The following SPAG9 variants were observed in gnomAD, a reference collection of about 807,000 sequenced individuals.
SPAG9 encodes the protein sperm associated antigen 9.
SPAG9 carries 35 observed loss-of-function variants against 166.5 expected under a neutral mutation model. The ratio of observed to expected loss-of-function variants is 0.21; its 90% CI spans 0.16 to 0.28. The LOEUF (loss-of-function observed/expected upper bound fraction) is 0.28. SPAG9 is among the 10% of genes least tolerant of loss of function. The pLI is 1.00. For synonymous variants in SPAG9, 534 were observed against 565.5 expected, an observed-to-expected ratio of 0.94 and a Z score of 0.79; for missense variants, 1,235 against 1,603.3, an observed-to-expected ratio of 0.77 and a Z score of 3.92.
chr17:50,967,607 T>A (rs2143542646), intron 29 of SPAG9, among the ~76,000 whole-genome samples: 1 of 152,314 alleles, frequency 6.6e-6, no homozygotes, highest in South Asian at 2.1e-4. Context: ...ATGAAAAAAA[T>A]TAACTGGCTG....
At chr17:50,967,599 GA>G (rs1381945202) in intron 29 of SPAG9, among the ~76,000 whole-genome samples, 3 of 152,126 alleles carry the variant, frequency 2.0e-5, no homozygotes, top group East Asian at 1.9e-4. Context: ...AAATTTCAAT[GA>G]AAAAAATTAA....
chr17:51,117,391 G>A (rs947198322), intron 1 of SPAG9, among the ~76,000 whole-genome samples: 1 of 151,988 alleles, frequency 6.6e-6, no homozygotes, highest in African/African-American at 2.4e-5. Flanking sequence ...ACTTACTTTG[G>A]TATAAAAGAC....
intron 5 of SPAG9, among the ~76,000 whole-genome samples, chr17:51,038,776 CTAAT>C (rs1287374913): frequency 2.0e-5 from 3 of 152,204 alleles, no homozygotes; most frequent in Admixed American, 2.0e-4. Context: ...CCCATCCTTA[CTAAT>C]TACTCTTTAG....
chr17:51,036,040 G>A (rs982967193), intron 5 of SPAG9, among the ~76,000 whole-genome samples: 1 of 152,070 alleles, frequency 6.6e-6, no homozygotes, highest in African/African-American at 2.4e-5. Context: ...AATTGCAGCT[G>A]GGATATGTGA....
chr17:51,053,845 A>T (rs1598092650), intron 3 of SPAG9, among the ~76,000 whole-genome samples: 4 of 86,310 alleles, frequency 4.6e-5, no homozygotes, highest in African/African-American at 1.7e-4. Flanking sequence ...TTAAAAAAAA[A>T]AAAAAAAAAG....
chr17:51,006,109 C>T lies in SPAG9; in HGVS notation c.1400G>A (p.Arg467Lys), dbSNP rs142334573. 196 of 1,614,186 alleles carry T rather than the reference C, an allele frequency of 1.2e-4. No homozygotes were observed. The African/African-American group carries it at 2.2e-3, about 18-fold the overall frequency. The change falls in exon 11 of 30, where the codon AGA becomes AAA. Residue 467 changes from arginine to lysine, a missense_variant. This residue lies in a region of SPAG9 where 125 missense variants were observed against 194.0 expected (regional missense o/e 0.64). Transcript: ENST00000262013. ...QAKLKLEEKN[R>K]ELEEELRKAR... ...CTTCCTAAGCTCTTCCTCCAATTCT[C>T]TGTTCTTTTCCTCTAGTTTCAGTTT...
intron 13 of SPAG9, 50 bp from the exon 14 acceptor site, chr17:50,999,767 C>T (rs765023667): frequency 1.3e-6 from 2 of 1,516,072 alleles, no homozygotes; most frequent in South Asian, 2.3e-5. Context: ...AGGTATTCTA[C>T]CTTTCTTTCT....
At chr17:50,992,862 C>T (rs1028728502) in intron 19 of SPAG9, among the ~76,000 whole-genome samples, 5 of 151,726 alleles carry the variant, frequency 3.3e-5, no homozygotes, top group African/African-American at 9.7e-5. Flanking sequence ...TTTGGGAGAC[C>T]GAGGCGGGCA....
intron 1 of SPAG9, among the ~76,000 whole-genome samples, chr17:51,109,152 A>T (rs1343110621): frequency 6.6e-6 from 1 of 151,776 alleles, no homozygotes; most frequent in African/African-American, 2.4e-5. Context: ...ATGAGCCACC[A>T]CGCCTGGCCA....
intron 5 of SPAG9, among the ~76,000 whole-genome samples, chr17:51,034,007 G>T (rs1396007692): frequency 6.6e-6 from 1 of 152,076 alleles, no homozygotes; most frequent in Admixed American, 6.5e-5. Context: ...AGGCATCTTG[G>T]TCAACATACA....
At position 51,053,887 on chromosome 17, in the gene SPAG9, ATATATATATAT is replaced by A. The variant is rs2047276265; in HGVS notation, c.495+2514_495+2524del. Among the ~76,000 whole-genome samples the A allele has an allele frequency of 4.1e-4, 48 of 117,370 alleles. 1 individual carries two copies. The highest frequency in any genetic ancestry group is 6.2e-4 in the Non-Finnish European group (36 of 57,956). The allele number at this position is 117,370 out of a possible 152,430, so 77.0% of individuals were successfully genotyped here. On this transcript the variant is annotated intron_variant, in intron 3 of 29. Transcript: ENST00000262013. Reference sequence around the variant, plus strand: ...TATATATATATATATATATATATATATATATATATATAAAACATATATGTATTTATAATTAT... The same window carrying A: ...TATATATATATATATATATATATATAAAAACATATATGTATTTATAATTAT...
At chr17:51,003,349 C>T (rs1415873076) in intron 12 of SPAG9, among the ~76,000 whole-genome samples, 3 of 152,100 alleles carry the variant, frequency 2.0e-5, no homozygotes, top group Non-Finnish European at 4.4e-5. Flanking sequence ...GTAAGTTTCA[C>T]CTAAAAATGT....
At chr17:51,054,433 T>G (rs912413784) in intron 3 of SPAG9, among the ~76,000 whole-genome samples, 5 of 144,686 alleles carry the variant, frequency 3.5e-5, no homozygotes, top group African/African-American at 1.3e-4. Context: ...AAAATGTGGG[T>G]TTTTTTGGCT....
intron 15 of SPAG9, among the ~76,000 whole-genome samples, chr17:50,997,749 GC>G (rs1257955119): frequency 2.6e-5 from 4 of 152,046 alleles, no homozygotes; most frequent in Non-Finnish European, 4.4e-5. Context: ...AGGTTAATTT[GC>G]CCAAGTGTTT....
At chr17:51,079,920 A>G (rs926871561) in intron 1 of SPAG9, among the ~76,000 whole-genome samples, 8 of 152,218 alleles carry the variant, frequency 5.3e-5, no homozygotes, top group Non-Finnish European at 1.2e-4. Context: ...TTTCCACTTC[A>G]TGTTATAGGC....
chr17:51,009,893 T>C (rs1230955394), intron 9 of SPAG9, among the ~76,000 whole-genome samples: 1 of 152,160 alleles, frequency 6.6e-6, no homozygotes, highest in African/African-American at 2.4e-5. Flanking sequence ...ATATATGGTG[T>C]ATAAATTGAA....
chr17:50,984,507 A>C (rs1027369666), intron 24 of SPAG9, among the ~76,000 whole-genome samples: 4 of 152,172 alleles, frequency 2.6e-5, no homozygotes, highest in African/African-American at 9.7e-5. Flanking sequence ...TAACACAGTG[A>C]AACCCTGTCT....
intron 2 of SPAG9, among the ~76,000 whole-genome samples, chr17:51,057,564 C>A (rs1163777595): frequency 6.6e-6 from 1 of 152,156 alleles, no homozygotes; most frequent in East Asian, 1.9e-4. Flanking sequence ...AGACACCAAA[C>A]AAAACATACC....
At chr17:51,036,847 A>C (rs1376621694) in intron 5 of SPAG9, among the ~76,000 whole-genome samples, 1 of 152,176 alleles carries the variant, frequency 6.6e-6, no homozygotes. Flanking sequence ...CTTTAGAACT[A>C]AATTGTGCAG....
Sources: allele counts gnomAD v4.1 joint callset (sites outside exome capture counted in the v4.1 genomes callset), GRCh38; gene constraint gnomAD v4.1.1; regional missense constraint gnomAD v4.1.1; transcripts MANE v1.5; gene names NCBI Gene and HGNC (gene_info 2026-07-23, HGNC 2026-07-21).